The following TENM3 variants were observed in gnomAD, a reference collection of about 807,000 sequenced individuals.
TENM3 encodes the protein teneurin transmembrane protein 3.
TENM3 carries 63 observed loss-of-function variants against 255.1 expected under a neutral mutation model. The observed-to-expected ratio is 0.25, with a 90% CI of 0.20 to 0.30. TENM3 has a LOEUF of 0.30. Ranked by LOEUF, TENM3 falls within the 10% of genes least tolerant of loss-of-function variation. The pLI is 1.00. For missense variants in TENM3, 2,929 were observed against 3,461.1 expected, an observed-to-expected ratio of 0.85 and a Z score of 3.86; for synonymous variants, 1,306 against 1,322.3, an observed-to-expected ratio of 0.99 and a Z score of 0.27.
the TENM3 span, among the ~76,000 whole-genome samples, chr4:181,674,833 G>T: frequency 1.3e-5 from 2 of 152,066 alleles, no homozygotes; most frequent in African/African-American, 4.8e-5. Flanking sequence ...GAATTTTTGT[G>T]TAGAAATTTA....
chr4:182,175,159 G>A (rs2149710380), intron 1 of TENM3, among the ~76,000 whole-genome samples: 1 of 151,842 alleles, frequency 6.6e-6, no homozygotes, highest in South Asian at 2.1e-4. Context: ...TTTCTTAGTG[G>A]CTCCTTGCAA....
the TENM3 span, among the ~76,000 whole-genome samples, chr4:181,533,748 A>C: frequency 1.3e-5 from 2 of 152,112 alleles, no homozygotes; most frequent in Admixed American, 1.3e-4. Context: ...AAAAAAAAAA[A>C]AACTTTCATT....
chr4:182,227,772 C>T (rs1301031786), intron 1 of TENM3, among the ~76,000 whole-genome samples: 2 of 151,680 alleles, frequency 1.3e-5, no homozygotes, highest in African/African-American at 4.8e-5. Context: ...CTTTTCAACA[C>T]TTTAGAATCT....
the TENM3 span, among the ~76,000 whole-genome samples, chr4:181,867,622 T>C: frequency 2.0e-5 from 3 of 152,360 alleles, no homozygotes; most frequent in South Asian, 6.2e-4. Flanking sequence ...GCTTGTTACA[T>C]GACTGAGCAA....
At chr4:182,609,012 G>GTAT (rs1748717885) in intron 4 of TENM3, among the ~76,000 whole-genome samples, 1 of 150,750 alleles carries the variant, frequency 6.6e-6, no homozygotes, top group African/African-American at 2.5e-5. Context: ...GGACTGGAGG[G>GTAT]TATGGCCCAT....
intron 3 of TENM3, among the ~76,000 whole-genome samples, chr4:182,551,782 A>AG (rs1272350061): frequency 2.0e-5 from 3 of 152,060 alleles, no homozygotes; most frequent in African/African-American, 7.2e-5. Context: ...GCACTTCAGG[A>AG]GGCCAGGCTG....
chr4:182,653,702 C>G, intron 5 of TENM3, 69 bp from the exon 6 acceptor site: 2 of 1,481,098 alleles, frequency 1.4e-6, no homozygotes, highest in South Asian at 2.8e-5. Context: ...TTGTTTTAAA[C>G]ATGCTTAGCA....
chr4:181,580,253 C>T, the TENM3 span, among the ~76,000 whole-genome samples: 1 of 152,074 alleles, frequency 6.6e-6, no homozygotes, highest in Non-Finnish European at 1.5e-5. Flanking sequence ...CAGCCTCGGC[C>T]TCCCAACATT....
At chr4:182,625,609 C>A (rs1048734128) in intron 4 of TENM3, among the ~76,000 whole-genome samples, 2 of 152,156 alleles carry the variant, frequency 1.3e-5, no homozygotes, top group Non-Finnish European at 2.9e-5. Context: ...AATGTCAGTC[C>A]TTTTCCTATA....
intron 3 of TENM3, among the ~76,000 whole-genome samples, chr4:182,501,561 G>A (rs370146587): frequency 6.6e-6 from 1 of 152,008 alleles, no homozygotes; most frequent in African/African-American, 2.4e-5. Flanking sequence ...GGTCCATCAG[G>A]AAGAATGTAC....
intron 1 of TENM3, among the ~76,000 whole-genome samples, chr4:182,194,280 C>G (rs1489887536): frequency 3.9e-5 from 6 of 152,106 alleles, no homozygotes; most frequent in East Asian, 1.9e-4. Context: ...GTTAAGTGAG[C>G]CTTCTGATTG....
chr4:182,731,543 C>T (rs559501879), intron 16 of TENM3, among the ~76,000 whole-genome samples: 13 of 151,488 alleles, frequency 8.6e-5, no homozygotes, highest in Admixed American at 5.3e-4. Flanking sequence ...AAAAAACCCA[C>T]GGATTATAGA....
At chr4:182,128,769 T>A in the TENM3 span, among the ~76,000 whole-genome samples, 1 of 152,230 alleles carries the variant, frequency 6.6e-6, no homozygotes, top group Admixed American at 6.5e-5. Flanking sequence ...TAATAATTGT[T>A]ACTTTTCATT....
chr4:181,603,458 A>G, the TENM3 span, among the ~76,000 whole-genome samples: 2 of 152,318 alleles, frequency 1.3e-5, no homozygotes, highest in Non-Finnish European at 1.5e-5. Context: ...CAGTCACATA[A>G]AAGAAAGAAA....
At chr4:182,483,276 A>C (rs1267042562) in intron 3 of TENM3, among the ~76,000 whole-genome samples, 2 of 152,222 alleles carry the variant, frequency 1.3e-5, no homozygotes, top group Non-Finnish European at 2.9e-5. Context: ...GTTGGAATAA[A>C]TAGTAGACGT....
chr4:181,656,530 G>A, the TENM3 span, among the ~76,000 whole-genome samples: 1 of 152,150 alleles, frequency 6.6e-6, no homozygotes, highest in African/African-American at 2.4e-5. Context: ...GAGAAGCCGC[G>A]GATGCAGATG....
At chr4:182,634,793 C>T (rs1305722650) in intron 5 of TENM3, among the ~76,000 whole-genome samples, 1 of 151,034 alleles carries the variant, frequency 6.6e-6, no homozygotes, top group African/African-American at 2.4e-5. Context: ...CCATGTTCTG[C>T]GTCTGTTCAC....
At chr4:182,706,773 G>C (rs911902413) in intron 12 of TENM3, among the ~76,000 whole-genome samples, 29 of 152,174 alleles carry the variant, frequency 1.9e-4, no homozygotes, top group African/African-American at 6.7e-4. Context: ...ACAAGCCTGA[G>C]CAACAGGGTG....
intron 3 of TENM3, among the ~76,000 whole-genome samples, chr4:182,454,279 C>T (rs1168821504): frequency 6.6e-6 from 1 of 151,978 alleles, no homozygotes; most frequent in Non-Finnish European, 1.5e-5. Context: ...AATATTATTT[C>T]CTCTGATTGT....
Sources: allele counts gnomAD v4.1 joint callset (sites outside exome capture counted in the v4.1 genomes callset), GRCh38; gene constraint gnomAD v4.1.1; transcripts MANE v1.5; gene names NCBI Gene and HGNC (gene_info 2026-07-23, HGNC 2026-07-21).